Variants in ANKRD30A observed in about 807,000 individuals in gnomAD.
ANKRD30A encodes the protein ankyrin repeat domain-containing protein 30A.
A neutral mutation model predicts 166.3 loss-of-function variants in ANKRD30A; 170 were observed. The observed-to-expected ratio is 1.02, with a 90% CI of 0.90 to 1.16. ANKRD30A has a LOEUF of 1.16. ANKRD30A is among the 50% of genes most tolerant of loss of function. ANKRD30A has a pLI of 0.00. For synonymous variants in ANKRD30A, 564 were observed against 508.9 expected, an observed-to-expected ratio of 1.11 and a Z score of -1.46; for missense variants, 1,630 against 1,518.0, an observed-to-expected ratio of 1.07 and a Z score of -1.23.
chr10:37,205,038 TG>T (rs1841898840), intron 31 of ANKRD30A, among the ~76,000 whole-genome samples: 2 of 152,162 alleles, frequency 1.3e-5, no homozygotes, highest in African/African-American at 4.8e-5. Flanking sequence ...GAAGACAGTG[TG>T]GTGATTCCTG....
intron 24 of ANKRD30A, among the ~76,000 whole-genome samples, chr10:37,178,878 C>G (rs1469716525): frequency 6.6e-6 from 1 of 150,750 alleles, no homozygotes; most frequent in East Asian, 2.0e-4. Flanking sequence ...GAGCTCACTT[C>G]GGAAGCATTT....
At chr10:37,225,271 C>T (rs902152828) in intron 34 of ANKRD30A, among the ~76,000 whole-genome samples, 6 of 151,444 alleles carry the variant, frequency 4.0e-5, no homozygotes, top group African/African-American at 1.2e-4. Flanking sequence ...TATGTTACGT[C>T]GAAACCAATG....
At position 37,178,041 on chromosome 10, in the gene ANKRD30A, C is replaced by T. The variant is rs533642727; in HGVS notation, c.2421+1823C>T. On this transcript the variant is annotated intron_variant, in intron 24 of 35. Coordinates refer to ENST00000361713, the MANE Select transcript of ANKRD30A (RefSeq NM_052997.3). ...AAAGTAGTAATAGAGTAAATGAAGACTGAGAAAGACAGAGCGTACAGAGAG... is the reference window on the plus strand; with the variant it reads ...AAAGTAGTAATAGAGTAAATGAAGATTGAGAAAGACAGAGCGTACAGAGAG... 4.0e-5 allele frequency among the ~76,000 whole-genome samples: 6 copies of T among 151,160 alleles called. 1 individual carries two copies. The South Asian group carries it at 1.3e-3, about 32-fold the overall frequency.
chr10:37,172,572 A>G (rs1289021357), intron 21 of ANKRD30A, among the ~76,000 whole-genome samples: 2 of 143,388 alleles, frequency 1.4e-5, no homozygotes, highest in African/African-American at 5.1e-5. Flanking sequence ...TTTTTAGTAG[A>G]AGCATTCAAG....
chr10:37,129,443 T>A (rs1288088140), intron 1 of ANKRD30A, among the ~76,000 whole-genome samples: 1 of 152,168 alleles, frequency 6.6e-6, no homozygotes, highest in Non-Finnish European at 1.5e-5. Flanking sequence ...CTGTCTTTGT[T>A]AAGTAGTAGT....
At chr10:37,250,162 G>A in the ANKRD30A span, among the ~76,000 whole-genome samples, 1 of 152,302 alleles carries the variant, frequency 6.6e-6, no homozygotes, top group South Asian at 2.1e-4. Flanking sequence ...GTCAAAAATT[G>A]TGTACATATT....
chr10:37,260,963 T>C, the ANKRD30A span, among the ~76,000 whole-genome samples: 3 of 150,960 alleles, frequency 2.0e-5, no homozygotes, highest in Non-Finnish European at 4.4e-5. Context: ...ACCTGGATGA[T>C]GGATTTGTTT....
In ANKRD30A at chr10:37,195,267, A is replaced by T. The variant is rs373365618; in HGVS notation, c.2614+2009A>T. Among the ~76,000 whole-genome samples the T allele has an allele frequency of 1.2e-4, 18 of 152,340 alleles. No individual in the cohort carries two copies. The East Asian group carries it at 3.5e-3, about 29-fold the overall frequency. ...TTTTCTCTTTTTCTTTTTCAAAAAG[A>T]TATAAATCAAACAAAATCAAAATTT... On this transcript the variant is annotated intron_variant, in intron 27 of 35. Coordinates refer to ENST00000361713, the MANE Select transcript of ANKRD30A (RefSeq NM_052997.3).
chr10:37,229,994 T>A (rs1401981838), intron 34 of ANKRD30A, among the ~76,000 whole-genome samples: 1 of 151,980 alleles, frequency 6.6e-6, no homozygotes, highest in East Asian at 1.9e-4. Flanking sequence ...AATTAAATTG[T>A]TTGTTACTGT....
At chr10:37,160,495 T>C (rs1432453622) in intron 15 of ANKRD30A, among the ~76,000 whole-genome samples, 2 of 152,120 alleles carry the variant, frequency 1.3e-5, no homozygotes, top group African/African-American at 4.8e-5. Context: ...AGATCAGAAG[T>C]TAGAACAAAA....
chr10:37,257,929 C>T, the ANKRD30A span, among the ~76,000 whole-genome samples: 1 of 152,052 alleles, frequency 6.6e-6, no homozygotes, highest in Non-Finnish European at 1.5e-5. Flanking sequence ...AACACATGGA[C>T]ACAGGGAGGG....
chr10:37,149,918 C>T, intron 11 of ANKRD30A, 69 bp downstream of exon 11: 4 of 1,581,032 alleles, frequency 2.5e-6, no homozygotes, highest in South Asian at 1.1e-5. Flanking sequence ...GTCTTTCTAT[C>T]CCCAATGCTT....
chr10:37,129,367 A>G (rs1248047399), intron 1 of ANKRD30A, among the ~76,000 whole-genome samples: 1 of 152,244 alleles, frequency 6.6e-6, no homozygotes, highest in African/African-American at 2.4e-5. Flanking sequence ...ATTAAAATAC[A>G]GTGTTATCTC....
At chr10:37,151,441 T>C (rs1464173470) in intron 11 of ANKRD30A, among the ~76,000 whole-genome samples, 1 of 152,124 alleles carries the variant, frequency 6.6e-6, no homozygotes, top group African/African-American at 2.4e-5. Context: ...GGAAGAAGTA[T>C]GTCATTGTAA....
the ANKRD30A span, among the ~76,000 whole-genome samples, chr10:37,262,330 C>A: frequency 6.6e-6 from 1 of 152,206 alleles, no homozygotes; most frequent in Admixed American, 6.5e-5. Flanking sequence ...CTAAAAACAA[C>A]CCCTAGAGAG....
downstream of ANKRD30A, among the ~76,000 whole-genome samples, chr10:37,232,810 C>T (rs1843504503): frequency 6.9e-6 from 1 of 144,668 alleles, no homozygotes; most frequent in Non-Finnish European, 1.5e-5. Flanking sequence ...TCACTTGAGC[C>T]CAAGATTTCA....
intron 25 of ANKRD30A, among the ~76,000 whole-genome samples, chr10:37,190,725 G>A (rs1477945140): frequency 6.6e-6 from 1 of 151,716 alleles, no homozygotes; most frequent in East Asian, 1.9e-4. Flanking sequence ...GAGTGTGGGT[G>A]CTCTGGAGAC....
chr10:37,167,089 C>A (rs190924628), intron 19 of ANKRD30A, among the ~76,000 whole-genome samples: 1 of 151,742 alleles, frequency 6.6e-6, no homozygotes, highest in South Asian at 2.1e-4. Flanking sequence ...ATGCAGGGGA[C>A]AAGAGAGAAG....
the ANKRD30A span, among the ~76,000 whole-genome samples, chr10:37,251,151 A>T: frequency 1.3e-5 from 2 of 152,164 alleles, no homozygotes; most frequent in Non-Finnish European, 2.9e-5. Context: ...CTCTGTAGAG[A>T]AAAACATACA....
Sources: gnomAD v4.1 joint callset for allele counts (sites outside exome capture counted in the v4.1 genomes callset) on GRCh38, gnomAD v4.1.1 for gene constraint, MANE v1.5 for transcripts, NCBI Gene and HGNC (gene_info 2026-07-23, HGNC 2026-07-21) for gene names.